The following SHANK2 variants were observed in gnomAD, a reference collection of about 807,000 sequenced individuals.
The protein encoded by SHANK2 is SH3 and multiple ankyrin repeat domains 2.
A neutral mutation model predicts 133.7 loss-of-function variants in SHANK2; 43 were observed. The ratio of observed to expected loss-of-function variants is 0.32; its 90% confidence interval spans 0.25 to 0.41. The LOEUF (loss-of-function observed/expected upper bound fraction) is 0.41, where lower values mean the gene tolerates loss of function less well. SHANK2 is among the 10% of genes least tolerant of loss of function. The pLI, the probability that SHANK2 is intolerant of heterozygous loss-of-function variation, is 1.00. For synonymous variants in SHANK2, 1,017 were observed against 952.8 expected, an observed-to-expected ratio of 1.07 and a Z score of -1.24; for missense variants, 1,994 against 2,235.8, an observed-to-expected ratio of 0.89 and a Z score of 2.18.
At chr11:70,950,626 C>T (rs1555086342) in intron 10 of SHANK2, among the ~76,000 whole-genome samples, 1 of 150,090 alleles carries the variant, frequency 6.7e-6, no homozygotes, top group Non-Finnish European at 1.5e-5. Context: ...TTTTTTTTCT[C>T]AGACAGGATC....
At chr11:70,692,992 G>A (rs907613282) in intron 15 of SHANK2, among the ~76,000 whole-genome samples, 22 of 152,290 alleles carry the variant, frequency 1.4e-4, no homozygotes, top group African/African-American at 5.1e-4. Flanking sequence ...ATGTGCCTCT[G>A]GGAGCTCCTC....
At chr11:70,784,383 G>A (rs943744644) in intron 14 of SHANK2, among the ~76,000 whole-genome samples, 1 of 105,914 alleles carries the variant, frequency 9.4e-6, no homozygotes, top group African/African-American at 4.8e-5. Flanking sequence ...TTTAAGTAGC[G>A]ACGGGGTTTC....
intron 11 of SHANK2, among the ~76,000 whole-genome samples, chr11:70,855,302 C>T (rs1444439825): frequency 2.6e-5 from 4 of 152,198 alleles, no homozygotes; most frequent in Non-Finnish European, 1.5e-5. Flanking sequence ...GAGGAGTAAG[C>T]CAGGTTTCTG....
intron 17 of SHANK2, among the ~76,000 whole-genome samples, chr11:70,655,487 T>C (rs1250231736): frequency 6.6e-6 from 1 of 152,122 alleles, no homozygotes; most frequent in African/African-American, 2.4e-5. Flanking sequence ...TGGATGACTG[T>C]GAGGGTTAAG....
intron 2 of SHANK2, among the ~76,000 whole-genome samples, chr11:71,204,142 G>A (rs782723423): frequency 2.6e-4 from 40 of 152,182 alleles, no homozygotes; most frequent in African/African-American, 7.2e-4. Flanking sequence ...GTCCTGTTCC[G>A]AGGAAAACTG....
In SHANK2 at chr11:71,172,790, C is replaced by T. The variant is rs913751983; in HGVS notation, c.-12-25452G>A. On this transcript the variant is annotated intron_variant, in intron 2 of 25. Transcript: ENST00000601538. ...CCACCCAGGAAGCCTGCATAGTTAA[C>T]GCCAGGGCAATGCCTGCCTCCTGCA... Among the ~76,000 whole-genome samples the T allele has an allele frequency of 7.2e-5, 11 of 152,300 alleles. No individual in the cohort carries two copies. The East Asian group carries it at 9.7e-4, about 13-fold the overall frequency.
At chr11:70,741,830 G>T (rs576497620) in intron 14 of SHANK2, among the ~76,000 whole-genome samples, 1 of 152,200 alleles carries the variant, frequency 6.6e-6, no homozygotes, top group African/African-American at 2.4e-5. Flanking sequence ...AGTCACAACT[G>T]GCAAGGAGTA....
In SHANK2 at chr11:70,600,239, C is replaced by T. The variant is rs530957751; in HGVS notation, c.2061+59589G>A. Among the ~76,000 whole-genome samples the T allele has an allele frequency of 3.3e-5, 5 of 151,622 alleles. No homozygotes were observed. In the South Asian group the frequency reaches 6.3e-4, roughly 19 times the overall value. On this transcript the variant is annotated intron_variant, in intron 17 of 25. Transcript: ENST00000601538. The stretch of plus-strand genomic sequence containing the variant: ...TTTGAGACCAACCTGAACAACATGG[C>T]GAAACCCTGTCTCTACTAAGAACAC...
intron 4 of SHANK2, among the ~76,000 whole-genome samples, chr11:71,114,740 C>T (rs1456243928): frequency 2.6e-5 from 4 of 152,094 alleles, no homozygotes; most frequent in Non-Finnish European, 2.9e-5. Flanking sequence ...GTCCATGCCC[C>T]GGGACCAATC....
intron 2 of SHANK2, among the ~76,000 whole-genome samples, chr11:71,176,992 AG>A (rs1953459477): frequency 6.6e-6 from 1 of 152,266 alleles, no homozygotes; most frequent in African/African-American, 2.4e-5. Context: ...TGTTACATCC[AG>A]AAAACAAACT....
intron 15 of SHANK2, chr11:70,698,333 C>A: frequency 3.3e-6 from 1 of 299,802 alleles, no homozygotes; most frequent in South Asian, 4.5e-5. Context: ...CCTGAGGCAT[C>A]CGAAATACTC....
chr11:70,487,650 C>G lies in SHANK2; in HGVS notation c.2643G>C (p.Pro881=). The G allele has an allele frequency of 1.9e-6, 3 of 1,597,968 alleles. No homozygotes were observed. Among genetic ancestry groups the G allele is most frequent in the Non-Finnish European group, 1.7e-6 (2 of 1,172,272 alleles). ...GAGGGGGGATGTCCTCAGAGGTGTC[C>G]GGCATGGACAGGCTTCTGGTGAACT... ...MLKFTRSLSM[P]DTSEDIPPPP... is the part of the protein sequence containing the mutation. Residue 881 remains proline (P), a synonymous_variant, in exon 25 of 26, where the codon CCG becomes CCC. Transcript: ENST00000601538. This position sits in a 1 kb window ranked among gnomAD's most constrained non-coding sequence, Gnocchi z 5.8.
At chr11:71,120,853 C>T (rs151313032) in intron 3 of SHANK2, among the ~76,000 whole-genome samples, 1 of 152,330 alleles carries the variant, frequency 6.6e-6, no homozygotes, top group Non-Finnish European at 1.5e-5. Flanking sequence ...TCCACAGAGC[C>T]CATGGCTCCC....
intron 17 of SHANK2, among the ~76,000 whole-genome samples, chr11:70,511,807 T>A (rs1389709076): frequency 6.6e-6 from 1 of 152,204 alleles, no homozygotes; most frequent in African/African-American, 2.4e-5. Context: ...TCCAGGGAAT[T>A]TCTGTGAAGA....
rs570313053 is a variant in SHANK2, at chr11:70,906,978, G to A, written c.1108-10411C>T. 3.9e-5 allele frequency among the ~76,000 whole-genome samples: 6 copies of A among 152,320 alleles called. No individual in the cohort carries two copies. In the East Asian group the frequency reaches 1.2e-3, roughly 29 times the overall value. On this transcript the variant is annotated intron_variant, in intron 10 of 25. Coordinates refer to ENST00000601538, the MANE Select transcript of SHANK2 (RefSeq NM_012309.5). ...GGCCAGGGCCTTTGCAAATCGATGT[G>A]TATTACCCAGAAGCCCCTGGTTGCT...
At chr11:70,630,166 G>A (rs904762514) in intron 17 of SHANK2, among the ~76,000 whole-genome samples, 1 of 152,230 alleles carries the variant, frequency 6.6e-6, no homozygotes, top group Non-Finnish European at 1.5e-5. Context: ...GTGGGCTGCA[G>A]AGCCCACGCT....
At chr11:70,512,793 TG>T (rs2059220167) in intron 17 of SHANK2, among the ~76,000 whole-genome samples, 1 of 152,230 alleles carries the variant, frequency 6.6e-6, no homozygotes, top group African/African-American at 2.4e-5. Context: ...TTTGTTTATT[TG>T]GTTCAAAAAC....
intron 17 of SHANK2, among the ~76,000 whole-genome samples, chr11:70,653,182 C>T (rs1220415565): frequency 1.3e-5 from 2 of 152,090 alleles, no homozygotes; most frequent in African/African-American, 4.8e-5. Context: ...ACCATGTTAG[C>T]CAGGATGGTC....
Position 70,652,805 on chromosome 11 carries a change from G to A in SHANK2, c.2061+7023C>T, listed in dbSNP as rs1197724146. Among the ~76,000 whole-genome samples, 5 of 152,258 alleles carry A rather than the reference G, an allele frequency of 3.3e-5. No individual in the cohort carries two copies. The South Asian group carries it at 1.0e-3, about 32-fold the overall frequency. On this transcript the variant is annotated intron_variant, in intron 17 of 25. Transcript: ENST00000601538. ...AGCCTGGGCAACAGAGCAAGATCCT[G>A]TCTCTAAAAAAGAAAGTTGATTGAA...
Sources: gnomAD v4.1 joint callset for allele counts (sites outside exome capture counted in the v4.1 genomes callset) on GRCh38, gnomAD v4.1.1 for gene constraint, Gnocchi (gnomAD v3.1) non-coding constraint, MANE v1.5 for transcripts, NCBI Gene and HGNC (gene_info 2026-07-23, HGNC 2026-07-21) for gene names.